ROBO2: variants seen among roughly 807,000 people sequenced by gnomAD.
The protein encoded by ROBO2 is roundabout homolog 2.
Under a neutral mutation model 160.8 loss-of-function variants are expected in ROBO2, and 53 were observed. The ratio of observed to expected loss-of-function variants is 0.33; its 90% CI spans 0.26 to 0.41. The LOEUF (loss-of-function observed/expected upper bound fraction) is 0.41, where lower values mean the gene tolerates loss of function less well. Ranked by LOEUF, ROBO2 falls within the 10% of genes least tolerant of loss-of-function variation. ROBO2 has a pLI of 1.00. For missense variants in ROBO2, 1,577 were observed against 1,722.4 expected (o/e 0.92, Z 1.49); for synonymous variants, 664 against 611.7 (o/e 1.09, Z -1.26).
At chr3:76,336,212 T>C (rs2073881326) in intron 2 of ROBO2, among the ~76,000 whole-genome samples, 1 of 145,602 alleles carries the variant, frequency 6.9e-6, no homozygotes, top group Non-Finnish European at 1.5e-5. Flanking sequence ...TTGAGATCAC[T>C]GTATGTACGT....
At chr3:76,159,796 T>G (rs2106912058) in intron 2 of ROBO2, among the ~76,000 whole-genome samples, 1 of 152,308 alleles carries the variant, frequency 6.6e-6, no homozygotes, top group Non-Finnish European at 1.5e-5. Context: ...AAATAGGAAT[T>G]GAGCCTTTGA....
intron 19 of ROBO2, among the ~76,000 whole-genome samples, chr3:77,598,852 T>A (rs894380613): frequency 2.0e-5 from 3 of 152,182 alleles, no homozygotes; most frequent in Non-Finnish European, 4.4e-5. Flanking sequence ...TCCCACAGCT[T>A]TTGTCAATGA....
At chr3:77,626,271 AT>A (rs1228968976) in intron 23 of ROBO2, among the ~76,000 whole-genome samples, 1 of 152,174 alleles carries the variant, frequency 6.6e-6, no homozygotes, top group Non-Finnish European at 1.5e-5. Context: ...CAAGATATTA[AT>A]TTTAGATGTG....
intron 2 of ROBO2, among the ~76,000 whole-genome samples, chr3:76,293,169 C>A (rs1045459434): frequency 6.6e-6 from 1 of 152,090 alleles, no homozygotes; most frequent in Non-Finnish European, 1.5e-5. Flanking sequence ...CAATAACATT[C>A]GAACTAGAAT....
At chr3:76,030,837 C>T (rs2066895390) in intron 2 of ROBO2, among the ~76,000 whole-genome samples, 1 of 152,060 alleles carries the variant, frequency 6.6e-6, no homozygotes, top group Non-Finnish European at 1.5e-5. Flanking sequence ...TTAGGATTGT[C>T]TTGGCAATAC....
intron 2 of ROBO2, among the ~76,000 whole-genome samples, chr3:76,620,942 T>C (rs2089021848): frequency 6.6e-6 from 1 of 152,160 alleles, no homozygotes; most frequent in South Asian, 2.1e-4. Context: ...TAAAGAAATA[T>C]CCAAATCATT....
At chr3:76,655,685 C>T (rs899136593) in intron 2 of ROBO2, among the ~76,000 whole-genome samples, 1 of 133,462 alleles carries the variant, frequency 7.5e-6, no homozygotes, top group African/African-American at 2.8e-5. Flanking sequence ...AAGAGAGGGG[C>T]AGGTAGGCAG....
chr3:77,359,335 G>GT (rs2153465146), intron 2 of ROBO2, among the ~76,000 whole-genome samples: 1 of 152,266 alleles, frequency 6.6e-6, no homozygotes, highest in Non-Finnish European at 1.5e-5. Context: ...GTGTGATCAA[G>GT]TAAGATTCAA....
chr3:77,527,561 T>A (rs541998198), intron 6 of ROBO2, 147 bp downstream of exon 7: 95 of 479,562 alleles, frequency 2.0e-4, no homozygotes, highest in Non-Finnish European at 2.7e-4. Context: ...GTTGCTCATG[T>A]TTTTTTTACT....
intron 2 of ROBO2, among the ~76,000 whole-genome samples, chr3:76,399,567 A>G (rs2077693022): frequency 6.6e-6 from 1 of 151,764 alleles, no homozygotes; most frequent in Non-Finnish European, 1.5e-5. Flanking sequence ...AATTAATGGC[A>G]TAATAAAACA....
chr3:76,533,835 G>T (rs1434769517), intron 2 of ROBO2, among the ~76,000 whole-genome samples: 1 of 151,496 alleles, frequency 6.6e-6, no homozygotes, highest in East Asian at 1.9e-4. Flanking sequence ...AATGTCCCAG[G>T]GTCAACTGAT....
intron 2 of ROBO2, among the ~76,000 whole-genome samples, chr3:75,958,224 A>T (rs1354052401): frequency 6.6e-6 from 1 of 151,806 alleles, no homozygotes; most frequent in African/African-American, 2.4e-5. Context: ...GCCTTGGCCA[A>T]ACTCAAGATC....
At chr3:77,038,266 T>G (rs1255974994), upstream of ROBO2, among the ~76,000 whole-genome samples, 1 of 152,224 alleles carries the variant, frequency 6.6e-6, no homozygotes, top group Non-Finnish European at 1.5e-5. Context: ...GAATGCACTT[T>G]TTTCTTCACA....
intron 2 of ROBO2, among the ~76,000 whole-genome samples, chr3:76,265,516 A>C (rs891960845): frequency 6.6e-6 from 1 of 152,188 alleles, no homozygotes. Context: ...ATAGCAGTAG[A>C]CGGTGTCAGA....
chr3:77,164,190 C>T (rs1339108898), intron 2 of ROBO2, among the ~76,000 whole-genome samples: 1 of 152,102 alleles, frequency 6.6e-6, no homozygotes, highest in East Asian at 1.9e-4. Context: ...GGGTACGAAT[C>T]TACAATTATC....
chr3:77,382,271 A>T (rs2153488341), intron 2 of ROBO2, among the ~76,000 whole-genome samples: 1 of 152,126 alleles, frequency 6.6e-6, no homozygotes, highest in South Asian at 2.1e-4. Context: ...AGAAAATTTG[A>T]TAGGCCCTGT....
At chr3:76,239,311 GC>G (rs1559674092) in intron 2 of ROBO2, among the ~76,000 whole-genome samples, 1 of 151,558 alleles carries the variant, frequency 6.6e-6, no homozygotes, top group East Asian at 1.9e-4. Context: ...AAATTATCTG[GC>G]ATGACTTTAT....
intron 2 of ROBO2, among the ~76,000 whole-genome samples, chr3:77,407,312 A>T (rs2076335615): frequency 6.6e-6 from 1 of 152,012 alleles, no homozygotes; most frequent in Non-Finnish European, 1.5e-5. Flanking sequence ...ACTCTAGAGT[A>T]GTTTTCTCTA....
At chr3:77,328,338 G>A (rs185998925) in intron 2 of ROBO2, among the ~76,000 whole-genome samples, 2 of 152,206 alleles carry the variant, frequency 1.3e-5, no homozygotes, top group Admixed American at 1.3e-4. Flanking sequence ...ATTGTGAACG[G>A]AATTATATTT....
Sources: allele counts gnomAD v4.1 joint callset (sites outside exome capture counted in the v4.1 genomes callset), GRCh38; gene constraint gnomAD v4.1.1; transcripts MANE v1.5; gene names NCBI Gene and HGNC (gene_info 2026-07-23, HGNC 2026-07-21).